Variants in PGM3 observed in about 807,000 individuals in gnomAD.
PGM3 encodes phosphoacetylglucosamine mutase.
A neutral mutation model predicts 66.2 loss-of-function variants in PGM3; 40 were observed. That is an observed-to-expected ratio of 0.60 (90% confidence interval 0.47 to 0.79). PGM3 has a LOEUF of 0.79. PGM3 is among the 30% of genes least tolerant of loss of function. The pLI is 0.00. For missense variants in PGM3, 537 were observed against 643.4 expected (o/e 0.83, Z 1.79); for synonymous variants, 191 against 224.2 (o/e 0.85, Z 1.32).
downstream of PGM3, chr6:83,157,410 G>T (rs934936552): frequency 1.5e-6 from 2 of 1,338,644 alleles, no homozygotes; most frequent in Non-Finnish European, 2.1e-6. Flanking sequence ...CGAATATTGG[G>T]AGAGAACTGA....
chr6:83,169,071 A>G lies in PGM3; in HGVS notation c.*163T>C. ...ACAAGTGTAAGGCTTACCTATTTATAAAGAATTATTCTGTTAGTGTTTAAG... is the reference window on the plus strand; with the variant it reads ...ACAAGTGTAAGGCTTACCTATTTATGAAGAATTATTCTGTTAGTGTTTAAG... On this transcript the variant is annotated 3_prime_UTR_variant, in exon 13 of 13. Transcript: ENST00000513973. 7.0e-7 allele frequency: 1 copy of G among 1,419,750 alleles called. No individual in the cohort carries two copies. The highest frequency in any genetic ancestry group is 9.2e-7 in the Non-Finnish European group (1 of 1,090,664). 87.9% of individuals were successfully genotyped at this position (1,419,750 alleles called of 1,614,324 possible). A position where few individuals can be genotyped will look rare whatever the true frequency, so the allele number is the denominator to read the frequency against.
intron 2 of PGM3, chr6:83,190,457 T>C (rs1788959766): frequency 4.5e-6 from 1 of 221,666 alleles, no homozygotes; most frequent in African/African-American, 2.3e-5. Context: ...TTTCAAATCT[T>C]TACCCTTCCC....
chr6:83,182,952 G>C lies in PGM3; in HGVS notation c.484C>G (p.Leu162Val). The C allele has an allele frequency of 6.2e-7, 1 of 1,613,860 alleles. No homozygotes were observed. The highest frequency in any genetic ancestry group is 8.5e-7 in the Non-Finnish European group (1 of 1,179,822). Residue 162 changes from leucine (L) to valine (V), a missense_variant, in exon 5 of 13, where the codon CTG (leucine) becomes GTG (valine). Leu to Val is a conservative substitution (Grantham distance 32). Transcript: ENST00000513973. ...HDYGLLTTPQ[L>V]HYMVYCRNTG... The stretch of plus-strand genomic sequence containing the variant: ...TTTCGACAATACACCATGTAGTGCA[G>C]CTGGGGTGTTGTTAACAAGCCATAA...
Position 83,168,349 on chromosome 6 carries a change from T to C in PGM3, c.*885A>G, listed in dbSNP as rs187310796. 8 of 1,407,496 alleles carry C rather than the reference T, an allele frequency of 5.7e-6. No homozygotes were observed. Among genetic ancestry groups the C allele is most frequent in the Admixed American group, 3.0e-5 (1 of 33,606 alleles). The allele number at this position is 1,407,496 out of a possible 1,614,324, so 87.2% of individuals were successfully genotyped here. A position where few individuals can be genotyped will look rare whatever the true frequency, so the allele number is the denominator to read the frequency against. ...ATGTGGCCTGAATCAAGTTTAAATA[T>C]TGTTGGCTCATACTGATTATGGTGC... On this transcript the variant is annotated 3_prime_UTR_variant, in exon 13 of 13. Transcript: ENST00000513973.
At chr6:83,191,217 A>G in intron 1 of PGM3, 7 of 1,534,962 alleles carry the variant, frequency 4.6e-6, no homozygotes, top group Non-Finnish European at 6.1e-6. Flanking sequence ...TGGTATGTCC[A>G]CTCCTGGGCA....
At chr6:83,154,137 C>A in the PGM3 span, 1 of 1,610,874 alleles carries the variant, frequency 6.2e-7, no homozygotes, top group East Asian at 2.2e-5. Flanking sequence ...TGTTCTTTAA[C>A]AGTAACAACA....
At chr6:83,158,441 A>G (rs1041150871), downstream of PGM3, 3 of 769,204 alleles carry the variant, frequency 3.9e-6, no homozygotes, top group Middle Eastern at 3.6e-4. Flanking sequence ...AACTAAGTAT[A>G]ATTTAAAAGA....
rs569900414 is a variant in PGM3, at chr6:83,182,606, A to G, written c.591+239T>C. Among the ~76,000 whole-genome samples, 3 of 152,268 alleles carry G rather than the reference A, an allele frequency of 2.0e-5. No individual in the cohort carries two copies. The South Asian group carries it at 6.2e-4, about 32-fold the overall frequency. Reference sequence around the variant, plus strand: ...TGATACCATCGTCAAGACCCCCACCATGTTTGCTTCCCCAAAGTATCTCAG... The same window carrying G: ...TGATACCATCGTCAAGACCCCCACCGTGTTTGCTTCCCCAAAGTATCTCAG... On this transcript the variant is annotated intron_variant, in intron 5 of 12. Coordinates refer to ENST00000513973, the MANE Select transcript of PGM3 (RefSeq NM_015599.3).
At chr6:83,190,601 G>T in intron 2 of PGM3, 2 of 580,512 alleles carry the variant, frequency 3.4e-6, no homozygotes, top group Non-Finnish European at 6.1e-6. Flanking sequence ...AAAAATGACA[G>T]TATCTTTTCA....
Position 83,166,952 on chromosome 6 carries a change from G to T in PGM3, c.*2282C>A. 1 of 986,282 alleles carries T rather than the reference G, an allele frequency of 1.0e-6. No homozygotes were observed. The highest frequency in any genetic ancestry group is 1.2e-6 in the Non-Finnish European group (1 of 830,674). 61.1% of individuals were successfully genotyped at this position (986,282 alleles called of 1,614,324 possible). On this transcript the variant is annotated 3_prime_UTR_variant, in exon 13 of 13. Coordinates refer to ENST00000513973, the MANE Select transcript of PGM3 (RefSeq NM_015599.3). ...TTGCTTATTTTCATTCTTTAGTGTG[G>T]AATTGTATCTGTGATTCTGCCCAAG...
Position 83,166,598 on chromosome 6 carries a change from A to G in PGM3, c.*2636T>C. On this transcript the variant is annotated 3_prime_UTR_variant, in exon 13 of 13. Transcript: ENST00000513973. ...AAATATGCTTAAAATGATGTATAAC[A>G]TAACCACATTTATTTAAGAATGTAC... The G allele has an allele frequency of 1.5e-6, 1 of 672,836 alleles. No homozygotes were observed. The highest frequency in any genetic ancestry group is 2.3e-6 in the Non-Finnish European group (1 of 430,474). The allele number at this position is 672,836 out of a possible 1,614,324, so 41.7% of individuals were successfully genotyped here.
intron 6 of PGM3, among the ~76,000 whole-genome samples, chr6:83,181,411 G>A (rs1788167075): frequency 1.3e-5 from 2 of 152,168 alleles, no homozygotes; most frequent in African/African-American, 4.8e-5. Context: ...ACTCAGAAGT[G>A]GAGCCCAGGA....
At chr6:83,189,164 T>C (rs1268168992) in intron 2 of PGM3, among the ~76,000 whole-genome samples, 3 of 152,150 alleles carry the variant, frequency 2.0e-5, no homozygotes, top group Admixed American at 2.0e-4. Context: ...ACACTAGCCT[T>C]TGTAAAAGGC....
intron 8 of PGM3, among the ~76,000 whole-genome samples, chr6:83,176,432 G>C (rs1396169494): frequency 1.3e-5 from 2 of 152,192 alleles, no homozygotes; most frequent in African/African-American, 4.8e-5. Context: ...TTTAGGCTTT[G>C]CAGGCCATAT....
rs745659258 is a variant in PGM3 at position 83,187,063 on chromosome 6, C to A, written c.402G>T (p.Glu134Asp). 1.9e-6 allele frequency: 3 copies of A among 1,600,388 alleles called. No homozygotes were observed. The highest frequency in any genetic ancestry group is 2.6e-6 in the Non-Finnish European group (3 of 1,167,956). Reference sequence around the variant, plus strand: ...CATCTATTACAGATTGTGAAAGTTTCTCACTGCTGGGCCTAGGAAAGAAAA... The same window carrying A: ...CATCTATTACAGATTGTGAAAGTTTATCACTGCTGGGCCTAGGAAAGAAAA... ...VIGRDTRPSS[E>D]KLSQSVIDGV... Residue 134 changes from glutamate to aspartate, a missense_variant, in exon 4 of 13, where the codon GAG becomes GAT. Glu to Asp is a conservative substitution (Grantham distance 45, BLOSUM62 2). Transcript: ENST00000513973.
downstream of PGM3, among the ~76,000 whole-genome samples, chr6:83,157,864 C>T (rs745903676): frequency 6.6e-6 from 1 of 152,142 alleles, no homozygotes; most frequent in Non-Finnish European, 1.5e-5. Context: ...ACACAGTCAT[C>T]CTTATCCTCC....
chr6:83,154,222 A>G, the PGM3 span: 1 of 1,613,936 alleles, frequency 6.2e-7, no homozygotes, highest in Non-Finnish European at 8.5e-7. Context: ...ATGATAAAAC[A>G]ACATTTAGAG....
At chr6:83,188,992 C>T (rs1203608786) in intron 2 of PGM3, among the ~76,000 whole-genome samples, 194 bp from the exon 3 acceptor site, 2 of 152,160 alleles carry the variant, frequency 1.3e-5, no homozygotes. Flanking sequence ...ATCCTCATGA[C>T]ACACATAATC....
At chr6:83,191,458 T>G (rs1789047756) in intron 1 of PGM3, 3 of 571,196 alleles carry the variant, frequency 5.3e-6, no homozygotes, top group Non-Finnish European at 9.3e-6. Flanking sequence ...GATTCTTGAG[T>G]GGACTGAAAC....
Sources: allele counts gnomAD v4.1 joint callset (sites outside exome capture counted in the v4.1 genomes callset), GRCh38; gene constraint gnomAD v4.1.1; transcripts MANE v1.5; gene names NCBI Gene and HGNC (gene_info 2026-07-23, HGNC 2026-07-21).